The following SLC39A11 variants were observed in gnomAD, a reference collection of about 807,000 sequenced individuals.
SLC39A11 encodes solute carrier family 39 member 11, also known as zinc transporter ZIP11.
A neutral mutation model predicts 36.1 loss-of-function variants in SLC39A11; 33 were observed. That is an observed-to-expected ratio of 0.91 (90% CI 0.69 to 1.22). The LOEUF (loss-of-function observed/expected upper bound fraction) is 1.22, where lower values mean the gene tolerates loss of function less well. SLC39A11 is among the 50% of genes most tolerant of loss of function. The pLI is 0.00. For synonymous variants in SLC39A11, 166 were observed against 170.3 expected (o/e 0.97, Z 0.20); for missense variants, 432 against 430.3 (o/e 1.00, Z -0.03).
chr17:72,922,960 CAAAAAAAAAAAAAAAAA>C (rs10645750), intron 5 of SLC39A11, among the ~76,000 whole-genome samples: 1 of 44,072 alleles, frequency 2.3e-5, no homozygotes, highest in Non-Finnish European at 5.9e-5. Context: ...GACTCCTTCT[CAAAAAAAAAAAAAAAAA>C]AAAAAAAAAA....
intron 6 of SLC39A11, among the ~76,000 whole-genome samples, chr17:72,792,096 A>G (rs2076726174): frequency 6.6e-6 from 1 of 152,210 alleles, no homozygotes; most frequent in South Asian, 2.1e-4. Context: ...TGAGGGAGAC[A>G]TCCCTCACCT....
intron 3 of SLC39A11, among the ~76,000 whole-genome samples, chr17:73,042,617 G>A (rs141356101): frequency 8.5e-5 from 13 of 152,224 alleles, no homozygotes; most frequent in African/African-American, 2.2e-4. Context: ...CATGGCCAAC[G>A]TGGTGAAACC....
intron 4 of SLC39A11, among the ~76,000 whole-genome samples, chr17:72,981,298 A>T (rs1422665533): frequency 1.3e-5 from 2 of 152,126 alleles, no homozygotes; most frequent in Non-Finnish European, 2.9e-5. Flanking sequence ...CACTTCAAGC[A>T]CTCAATACAC....
intron 5 of SLC39A11, among the ~76,000 whole-genome samples, chr17:72,850,659 C>A (rs902630236): frequency 3.3e-5 from 5 of 152,134 alleles, no homozygotes; most frequent in Non-Finnish European, 7.3e-5. Context: ...CTGTGTAGTG[C>A]CAAATAAGTT....
At chr17:72,760,355 A>G (rs1411574351) in intron 6 of SLC39A11, among the ~76,000 whole-genome samples, 1 of 152,244 alleles carries the variant, frequency 6.6e-6, no homozygotes, top group African/African-American at 2.4e-5. Flanking sequence ...AGCATAGGCT[A>G]TTTAGAAAAG....
chr17:72,801,811 C>T (rs1427975697), intron 6 of SLC39A11, among the ~76,000 whole-genome samples: 8 of 152,130 alleles, frequency 5.3e-5, no homozygotes, highest in Non-Finnish European at 1.5e-5. Context: ...TACTAAAAAT[C>T]ATAAAATCGT....
At chr17:72,882,000 C>A (rs1194959349) in intron 5 of SLC39A11, among the ~76,000 whole-genome samples, 3 of 152,194 alleles carry the variant, frequency 2.0e-5, no homozygotes, top group Non-Finnish European at 2.9e-5. Flanking sequence ...AACAATAATG[C>A]TACTAAATTA....
chr17:72,803,696 G>C (rs1377732543), intron 6 of SLC39A11, among the ~76,000 whole-genome samples: 1 of 152,096 alleles, frequency 6.6e-6, no homozygotes, highest in Non-Finnish European at 1.5e-5. Context: ...TCTCTGACTT[G>C]CATCTCACAT....
intron 5 of SLC39A11, among the ~76,000 whole-genome samples, chr17:72,897,052 C>CAAAAAAAAAAAA (rs10656675): frequency 3.4e-4 from 22 of 64,106 alleles, no homozygotes; most frequent in Non-Finnish European, 4.4e-4. Context: ...GACTCTGTCT[C>CAAAAAAAAAAAA]AAAAAAAAAA....
At chr17:73,042,363 G>T (rs2059137765) in intron 3 of SLC39A11, among the ~76,000 whole-genome samples, 1 of 152,154 alleles carries the variant, frequency 6.6e-6, no homozygotes, top group Non-Finnish European at 1.5e-5. Context: ...CAGTTCAAAA[G>T]AACAGCACCC....
intron 5 of SLC39A11, among the ~76,000 whole-genome samples, chr17:72,861,188 C>G (rs2079963733): frequency 6.6e-6 from 1 of 152,182 alleles, no homozygotes; most frequent in African/African-American, 2.4e-5. Flanking sequence ...CAAATACCAT[C>G]AAATGCCAAT....
chr17:72,798,418 C>CTT lies in SLC39A11; in HGVS notation c.601+51214_601+51215dup, dbSNP rs3060856. 2.7e-3 allele frequency among the ~76,000 whole-genome samples: 389 copies of CTT among 143,028 alleles called. 6 individuals are homozygous for CTT. Among genetic ancestry groups the CTT allele is most frequent in the African/African-American group, 8.6e-3 (334 of 38,764 alleles). 93.8% of individuals were successfully genotyped at this position (143,028 alleles called of 152,430 possible). A position where few individuals can be genotyped will look rare whatever the true frequency, so the allele number is the denominator to read the frequency against. ...TCTGGTCTCTTCCACTTCTTTCTTT[C>CTT]TTTTTTTTTTTTTGAGATGGAGCCT... On this transcript the variant is annotated intron_variant, in intron 6 of 9. Coordinates refer to ENST00000255559, the MANE Select transcript of SLC39A11 (RefSeq NM_139177.4).
At chr17:72,875,389 A>G (rs2146449320) in intron 5 of SLC39A11, among the ~76,000 whole-genome samples, 1 of 152,344 alleles carries the variant, frequency 6.6e-6, no homozygotes, top group African/African-American at 2.4e-5. Context: ...CCAGGGTGAC[A>G]GCCACCTTTC....
intron 3 of SLC39A11, among the ~76,000 whole-genome samples, chr17:73,058,515 G>A (rs1410068173): frequency 2.6e-5 from 4 of 152,126 alleles, no homozygotes; most frequent in Admixed American, 2.6e-4. Flanking sequence ...CTGAGGTCAG[G>A]AGTTTGAGAC....
intron 4 of SLC39A11, among the ~76,000 whole-genome samples, chr17:73,012,911 G>C (rs146011246): frequency 6.6e-6 from 1 of 151,858 alleles, no homozygotes; most frequent in Non-Finnish European, 1.5e-5. Flanking sequence ...CGATTCTCCT[G>C]TCTCAGCCTC....
At chr17:72,937,951 T>G (rs1306881145) in intron 5 of SLC39A11, among the ~76,000 whole-genome samples, 1 of 152,202 alleles carries the variant, frequency 6.6e-6, no homozygotes, top group African/African-American at 2.4e-5. Context: ...GGTGAGTTTG[T>G]GTAATCAAGA....
intron 6 of SLC39A11, among the ~76,000 whole-genome samples, chr17:72,745,028 G>A (rs996983916): frequency 1.3e-5 from 2 of 151,364 alleles, no homozygotes; most frequent in African/African-American, 4.9e-5. Flanking sequence ...TTCTAGTAGA[G>A]ATGGGGTTTC....
intron 5 of SLC39A11, among the ~76,000 whole-genome samples, chr17:72,862,201 G>C (rs2080075533): frequency 6.6e-6 from 1 of 152,152 alleles, no homozygotes; most frequent in African/African-American, 2.4e-5. Flanking sequence ...GTTCCACACA[G>C]ACTCCCAGTG....
chr17:72,950,399 T>C (rs1430271684), intron 4 of SLC39A11, among the ~76,000 whole-genome samples: 1 of 152,194 alleles, frequency 6.6e-6, no homozygotes, highest in East Asian at 1.9e-4. Flanking sequence ...CAGAGAGGCT[T>C]TGGGAAGGCC....
Sources: allele counts gnomAD v4.1 joint callset (sites outside exome capture counted in the v4.1 genomes callset), GRCh38; gene constraint gnomAD v4.1.1; transcripts MANE v1.5; gene names NCBI Gene and HGNC (gene_info 2026-07-23, HGNC 2026-07-21).